The following ECT2 variants were observed in gnomAD, a reference collection of about 807,000 sequenced individuals.
The protein encoded by ECT2 is protein ECT2.
ECT2 carries 61 observed loss-of-function variants against 116.9 expected under a neutral mutation model. The observed-to-expected ratio is 0.52, with a 90% CI of 0.42 to 0.65. ECT2 has a LOEUF of 0.65. Among genes scored for constraint, ECT2 ranks in the 30% least tolerant of loss-of-function variants. The probability of loss-of-function intolerance (pLI) is 0.00; values close to 1 mark genes in which losing one functional copy is unlikely to be tolerated. For missense variants in ECT2, 937 were observed against 1,078.7 expected (o/e 0.87, Z 1.84); for synonymous variants, 358 against 346.4 (o/e 1.03, Z -0.37).
intron 1 of ECT2, among the ~76,000 whole-genome samples, chr3:172,753,103 A>T (rs927327253): frequency 4.6e-5 from 7 of 152,166 alleles, no homozygotes; most frequent in East Asian, 3.9e-4. Flanking sequence ...CTCTAAAAAA[A>T]TTTTTTTAGA....
At chr3:172,773,869 C>G in intron 13 of ECT2, 34 bp from the exon 14 acceptor site, 1 of 1,597,748 alleles carries the variant, frequency 6.3e-7, no homozygotes, top group East Asian at 2.2e-5. Context: ...CTTTTTCCCA[C>G]AATCTACTTA....
At chr3:172,814,073 T>G (rs975389859) in intron 22 of ECT2, among the ~76,000 whole-genome samples, 1 of 152,090 alleles carries the variant, frequency 6.6e-6, no homozygotes, top group African/African-American at 2.4e-5. Flanking sequence ...TTAACTGATT[T>G]GTACAGGATA....
In ECT2 at chr3:172,773,975, A is replaced by G. The variant is rs1721173020; in HGVS notation, c.1501A>G (p.Ile501Val). Residue 501 changes from isoleucine (I) to valine (V), a missense_variant, in exon 14 of 25, where the codon ATT becomes GTT. By Grantham distance (29) the Ile-to-Val change is conservative. Coordinates refer to ENST00000392692, the MANE Select transcript of ECT2 (RefSeq NM_001258315.2). ...CCTTGCACCAGAGGAGATTAAGACT[A>G]TTTTTGGTAGCATCCCAGATATCTT... The part of the protein sequence containing the change: ...PILAPEEIKT[I>V]FGSIPDIFDV... The G allele has an allele frequency of 1.9e-6, 3 of 1,613,166 alleles. No homozygotes were observed. Among genetic ancestry groups the G allele is most frequent in the Non-Finnish European group, 2.5e-6 (3 of 1,179,270 alleles).
At chr3:172,770,784 A>G (rs936212988) in intron 13 of ECT2, among the ~76,000 whole-genome samples, 5 of 152,174 alleles carry the variant, frequency 3.3e-5, no homozygotes, top group African/African-American at 1.2e-4. Flanking sequence ...TACTACTTGG[A>G]TGCCTAATTA....
At chr3:172,828,781 C>A in the ECT2 span, 1 of 658,248 alleles carries the variant, frequency 1.5e-6, no homozygotes, top group South Asian at 1.6e-5. Flanking sequence ...AAGAACCCCC[C>A]ATGGCCTCAG....
intron 22 of ECT2, among the ~76,000 whole-genome samples, chr3:172,814,322 C>T (rs955411435): frequency 6.6e-6 from 1 of 151,838 alleles, no homozygotes; most frequent in Non-Finnish European, 1.5e-5. Context: ...TTTCTTTTAG[C>T]CTTATGATTA....
chr3:172,778,627 G>A (rs3892220), intron 14 of ECT2, among the ~76,000 whole-genome samples: 14,470 of 118,640 alleles, frequency 0.12, 960 homozygotes, highest in Middle Eastern at 0.18. Flanking sequence ...ATGGAGTCTC[G>A]CTCTGTCGCC....
intron 15 of ECT2, among the ~76,000 whole-genome samples, chr3:172,783,410 T>G (rs1723060853): frequency 1.3e-5 from 2 of 152,162 alleles, no homozygotes; most frequent in African/African-American, 4.8e-5. Context: ...TTTGGGTAAT[T>G]TAACTGATCT....
At position 172,807,849 on chromosome 3, in the gene ECT2, A is replaced by G; in HGVS notation, c.2325A>G (p.Ser775=). Residue 775 remains serine, a synonymous_variant, in exon 22 of 25, where the codon TCA becomes TCG. Coordinates refer to ENST00000392692, the MANE Select transcript of ECT2 (RefSeq NM_001258315.2). Reference sequence around the variant, plus strand: ...TGCTACTCAGTTTCCAGATGACATCAGATGAACTTCCAAAAGAAAACTGGC... The same window carrying G: ...TGCTACTCAGTTTCCAGATGACATCGGATGAACTTCCAAAAGAAAACTGGC... ...ANVLLSFQMT[S]DELPKENWLK... 6.2e-7 allele frequency: 1 copy of G among 1,614,004 alleles called. No homozygotes were observed. Among genetic ancestry groups the G allele is most frequent in the Middle Eastern group, 1.7e-4 (1 of 6,058 alleles).
At chr3:172,822,000 A>C (rs1436226118), downstream of ECT2, among the ~76,000 whole-genome samples, 1 of 151,886 alleles carries the variant, frequency 6.6e-6, no homozygotes, top group East Asian at 1.9e-4. Context: ...GTGTAAAATT[A>C]GGATTCTGTA....
Position 172,805,745 on chromosome 3 carries a change from G to T in ECT2, c.2121G>T (p.Arg707=), listed in dbSNP as rs1039490459. 3 of 1,613,234 alleles carry T rather than the reference G, an allele frequency of 1.9e-6. No homozygotes were observed. In the African/African-American group the frequency reaches 4.0e-5, roughly 22 times the overall value. Reference sequence around the variant, plus strand: ...TCTATAATCAGATAGCAAGAAAACGGCACAAGGTTATTGGCACTTTTAGGA... The same window carrying T: ...TCTATAATCAGATAGCAAGAAAACGTCACAAGGTTATTGGCACTTTTAGGA... ...FNDCLEIARK[R]HKVIGTFRSP... The change falls in exon 21 of 25, where the codon CGG becomes CGT. Residue 707 remains arginine (R), a synonymous_variant. Transcript: ENST00000392692.
chr3:172,794,016 T>C (rs999280008), intron 18 of ECT2, among the ~76,000 whole-genome samples: 6 of 152,282 alleles, frequency 3.9e-5, no homozygotes, highest in Middle Eastern at 3.4e-3. Flanking sequence ...AAAAAAGATA[T>C]ATGATTTGCA....
At chr3:172,813,022 CTTTG>C (rs1729048700) in intron 22 of ECT2, among the ~76,000 whole-genome samples, 1 of 152,016 alleles carries the variant, frequency 6.6e-6, no homozygotes. Flanking sequence ...TTCCTCAGTG[CTTTG>C]TTTCTTACAG....
intron 14 of ECT2, among the ~76,000 whole-genome samples, chr3:172,780,846 A>C (rs1311771489): frequency 6.6e-6 from 1 of 151,870 alleles, no homozygotes; most frequent in Non-Finnish European, 1.5e-5. Flanking sequence ...TTTGTATATT[A>C]TTTTTGGTGA....
At chr3:172,825,944 A>G (rs1730829146), downstream of ECT2, among the ~76,000 whole-genome samples, 1 of 152,226 alleles carries the variant, frequency 6.6e-6, no homozygotes, top group East Asian at 1.9e-4. Flanking sequence ...CCCAAGCTGG[A>G]GTGCAATGGC....
chr3:172,782,491 T>C (rs2108670628), intron 15 of ECT2, among the ~76,000 whole-genome samples: 1 of 152,332 alleles, frequency 6.6e-6, no homozygotes, highest in Non-Finnish European at 1.5e-5. Flanking sequence ...TATCAAGTTA[T>C]TTGCCTTTCA....
intron 18 of ECT2, among the ~76,000 whole-genome samples, chr3:172,795,910 A>G (rs577590588): frequency 1.4e-4 from 22 of 152,316 alleles, no homozygotes; most frequent in African/African-American, 3.4e-4. Context: ...GTTAATACAC[A>G]TAAAATTATA....
At chr3:172,794,069 A>G (rs1255648398) in intron 18 of ECT2, among the ~76,000 whole-genome samples, 9 of 151,970 alleles carry the variant, frequency 5.9e-5, no homozygotes, top group Admixed American at 5.9e-4. Context: ...TCTTTTGACA[A>G]TTTCTTGAAA....
chr3:172,771,025 G>A (rs1720527587), intron 13 of ECT2, among the ~76,000 whole-genome samples: 1 of 152,176 alleles, frequency 6.6e-6, no homozygotes, highest in Non-Finnish European at 1.5e-5. Flanking sequence ...CATACAGAAG[G>A]TAATGATCGA....
Sources: allele counts gnomAD v4.1 joint callset (sites outside exome capture counted in the v4.1 genomes callset), GRCh38; gene constraint gnomAD v4.1.1; transcripts MANE v1.5; gene names NCBI Gene and HGNC (gene_info 2026-07-23, HGNC 2026-07-21).